The following PEAK1 variants were observed in gnomAD, a reference collection of about 807,000 sequenced individuals.
The protein encoded by PEAK1 is pseudopodium enriched atypical kinase 1, also known as inactive tyrosine-protein kinase PEAK1.
PEAK1 carries 54 observed loss-of-function variants against 124.7 expected under a neutral mutation model. That is an observed-to-expected ratio of 0.43 (90% CI 0.35 to 0.54). The LOEUF (loss-of-function observed/expected upper bound fraction) is 0.54, where lower values mean the gene tolerates loss of function less well. Among genes scored for constraint, PEAK1 ranks in the 20% least tolerant of loss-of-function variants. PEAK1 has a pLI of 0.01. For synonymous variants in PEAK1, 719 were observed against 760.0 expected, an observed-to-expected ratio of 0.95 and a Z score of 0.89; for missense variants, 2,046 against 2,134.5, an observed-to-expected ratio of 0.96 and a Z score of 0.82.
At chr15:77,285,897 C>T (rs749633107) in intron 3 of PEAK1, among the ~76,000 whole-genome samples, 1 of 152,008 alleles carries the variant, frequency 6.6e-6, no homozygotes, top group Non-Finnish European at 1.5e-5. Context: ...CTTCTGCTAG[C>T]TTTTGAATTT....
At chr15:77,413,624 A>G (rs988819130) in intron 1 of PEAK1, among the ~76,000 whole-genome samples, 1 of 152,254 alleles carries the variant, frequency 6.6e-6, no homozygotes. Flanking sequence ...GAGACAAAGA[A>G]GACAACTAAA....
At chr15:77,283,838 A>G (rs945746958) in intron 5 of PEAK1, 45 bp downstream of exon 5, 20 of 935,432 alleles carry the variant, frequency 2.1e-5, no homozygotes, top group Non-Finnish European at 2.3e-5. Context: ...AATGAAAACC[A>G]AAATTAAATC....
At chr15:77,369,520 C>A (rs1411512615) in intron 1 of PEAK1, among the ~76,000 whole-genome samples, 1 of 152,104 alleles carries the variant, frequency 6.6e-6, no homozygotes, top group African/African-American at 2.4e-5. Flanking sequence ...CAAATCCAGC[C>A]CAGGGCCTGT....
intron 1 of PEAK1, among the ~76,000 whole-genome samples, chr15:77,407,209 G>C (rs895832820): frequency 6.6e-6 from 1 of 152,106 alleles, no homozygotes; most frequent in African/African-American, 2.4e-5. Context: ...TATTGGCTTA[G>C]GCAAAGACTT....
chr15:77,395,671 A>G (rs1420427794), intron 1 of PEAK1, among the ~76,000 whole-genome samples: 1 of 152,196 alleles, frequency 6.6e-6, no homozygotes, highest in East Asian at 1.9e-4. Context: ...AAAGTGCTTA[A>G]GGAAAAAAAA....
chr15:77,246,361 C>A (rs544146421), intron 6 of PEAK1, among the ~76,000 whole-genome samples: 1 of 152,174 alleles, frequency 6.6e-6, no homozygotes, highest in South Asian at 2.1e-4. Context: ...TTTGAGAGAG[C>A]TGACATCTTA....
At chr15:77,250,040 G>C (rs2060770880) in intron 6 of PEAK1, among the ~76,000 whole-genome samples, 1 of 150,914 alleles carries the variant, frequency 6.6e-6, no homozygotes. Context: ...GGTGAATGTG[G>C]CCACATGTCT....
In PEAK1 at chr15:77,348,171, A is replaced by T. The variant is rs2066985497; in HGVS notation, c.-603+16992T>A. 3 of 982,802 alleles carry T rather than the reference A, an allele frequency of 3.1e-6. No individual in the cohort carries two copies. In the Admixed American group the frequency reaches 1.9e-4, roughly 61 times the overall value. The allele number at this position is 982,802 out of a possible 1,614,324, so 60.9% of individuals were successfully genotyped here. The stretch of plus-strand genomic sequence containing the variant: ...GTATATGGCAATGTGTCTTCACTTA[A>T]GCCACATGCTAAGAAAAAAAAAAAA... On this transcript the variant is annotated intron_variant, in intron 2 of 9. Transcript: ENST00000682557.
chr15:77,369,602 C>A (rs968461517), intron 1 of PEAK1, among the ~76,000 whole-genome samples: 14 of 152,070 alleles, frequency 9.2e-5, no homozygotes, highest in African/African-American at 2.7e-4. Flanking sequence ...GAATATGCAA[C>A]AGAGGTAGTA....
chr15:77,404,928 G>T, intron 1 of PEAK1: 1 of 215,888 alleles, frequency 4.6e-6, no homozygotes, highest in Non-Finnish European at 7.9e-6. Flanking sequence ...GCCTTTCACA[G>T]TGTGACCACT....
At chr15:77,296,838 G>T (rs1407178826) in intron 2 of PEAK1, among the ~76,000 whole-genome samples, 1 of 151,560 alleles carries the variant, frequency 6.6e-6, no homozygotes, top group Non-Finnish European at 1.5e-5. Context: ...TATTAAAAAT[G>T]AAGAAAGGGA....
intron 2 of PEAK1, among the ~76,000 whole-genome samples, chr15:77,314,216 T>C (rs1243406682): frequency 1.3e-5 from 2 of 152,054 alleles, no homozygotes; most frequent in East Asian, 3.9e-4. Context: ...TTTGATAAAA[T>C]GTAAATTTGT....
At chr15:77,400,076 G>A (rs2071225643) in intron 1 of PEAK1, among the ~76,000 whole-genome samples, 1 of 152,088 alleles carries the variant, frequency 6.6e-6, no homozygotes, top group South Asian at 2.1e-4. Flanking sequence ...CAATATCACT[G>A]ATCATCAGAG....
intron 6 of PEAK1, among the ~76,000 whole-genome samples, chr15:77,226,053 ATATAT>A (rs1317233329): frequency 0.17 from 14,218 of 84,828 alleles, 1,363 homozygotes; most frequent in Middle Eastern, 0.22. Flanking sequence ...GGATATATAT[ATATAT>A]ATATATATAT....
Position 77,108,785 on chromosome 15 carries a change from T to C in PEAK1, c.*5371A>G, listed in dbSNP as rs1049037735. On this transcript the variant is annotated 3_prime_UTR_variant, in exon 10 of 10. Transcript: ENST00000682557. ...GACCTCTTTTGATTCCCTGAAACTT[T>C]CTTGATTTAAAAAACAAAACCAAAC... is the stretch of plus-strand genomic sequence containing the variant. The C allele has an allele frequency of 1.3e-5, 2 of 152,224 alleles. No individual in the cohort carries two copies. Among genetic ancestry groups the C allele is most frequent in the African/African-American group, 2.4e-5 (1 of 41,446 alleles). 9.4% of individuals were successfully genotyped at this position (152,224 alleles called of 1,614,324 possible).
At chr15:77,370,645 C>T in intron 1 of PEAK1, 1 of 960,474 alleles carries the variant, frequency 1.0e-6, no homozygotes, top group Non-Finnish European at 1.2e-6. Flanking sequence ...TTACCAAAAC[C>T]CACAGATTTA....
intron 2 of PEAK1, chr15:77,349,589 T>A (rs1309232106): frequency 9.1e-6 from 9 of 984,892 alleles, no homozygotes; most frequent in Non-Finnish European, 1.1e-5. Flanking sequence ...AGTCACTGAA[T>A]ATATGCTTGA....
chr15:77,281,053 G>A (rs1479361786), intron 5 of PEAK1, among the ~76,000 whole-genome samples: 1 of 151,990 alleles, frequency 6.6e-6, no homozygotes, highest in African/African-American at 2.4e-5. Context: ...CTACTCACCT[G>A]TAATCCCAGG....
chr15:77,239,219 G>A (rs11072646), intron 6 of PEAK1, among the ~76,000 whole-genome samples: 150,726 of 152,340 alleles, frequency 0.99, 74,584 homozygotes, highest in East Asian at 1. Context: ...TTTACTATAC[G>A]TTCCCTTCTA....
Sources: allele counts gnomAD v4.1 joint callset (sites outside exome capture counted in the v4.1 genomes callset), GRCh38; gene constraint gnomAD v4.1.1; transcripts MANE v1.5; gene names NCBI Gene and HGNC (gene_info 2026-07-23, HGNC 2026-07-21).